Variants in LINGO2 observed in about 807,000 individuals in gnomAD.
LINGO2 encodes leucine-rich repeat and immunoglobulin-like domain-containing nogo receptor-interacting protein 2.
Under a neutral mutation model 30.6 loss-of-function variants are expected in LINGO2, and 14 were observed. The ratio of observed to expected loss-of-function variants is 0.46; its 90% CI spans 0.30 to 0.72. The LOEUF is 0.72. Among genes scored for constraint, LINGO2 ranks in the 30% least tolerant of loss-of-function variants. The probability of loss-of-function intolerance (pLI) is 0.07; values close to 1 mark genes in which losing one functional copy is unlikely to be tolerated. For missense variants in LINGO2, 729 were observed against 751.7 expected, an observed-to-expected ratio of 0.97 and a Z score of 0.35; for synonymous variants, 317 against 288.5, an observed-to-expected ratio of 1.10 and a Z score of -1.00.
chr9:27,942,642 A>C, the LINGO2 span: 2 of 152,142 alleles, frequency 1.3e-5, no homozygotes, highest in Non-Finnish European at 2.9e-5. Flanking sequence ...GTTCTTGGTT[A>C]TTAACTTTCA....
intron 2 of LINGO2, among the ~76,000 whole-genome samples, chr9:28,402,841 G>C (rs1252668555): frequency 6.6e-6 from 1 of 152,030 alleles, no homozygotes; most frequent in Non-Finnish European, 1.5e-5. Context: ...CAACAGGATA[G>C]TTCCCAAACA....
At chr9:28,124,911 A>G (rs1827195987) in intron 4 of LINGO2, among the ~76,000 whole-genome samples, 1 of 152,244 alleles carries the variant, frequency 6.6e-6, no homozygotes. Context: ...AAGACTGTTT[A>G]GAAGATAATG....
chr9:27,997,189 G>A (rs1821708897), intron 5 of LINGO2, among the ~76,000 whole-genome samples: 1 of 152,030 alleles, frequency 6.6e-6, no homozygotes, highest in Non-Finnish European at 1.5e-5. Flanking sequence ...TTGGTAACTG[G>A]GTCAAATGCA....
the LINGO2 span, among the ~76,000 whole-genome samples, chr9:28,813,461 A>G: frequency 6.6e-6 from 1 of 152,160 alleles, no homozygotes; most frequent in Non-Finnish European, 1.5e-5. Flanking sequence ...ACTGCAGTTG[A>G]CCATGGGGAA....
chr9:28,686,557 T>C, the LINGO2 span, among the ~76,000 whole-genome samples: 1 of 152,052 alleles, frequency 6.6e-6, no homozygotes, highest in Non-Finnish European at 1.5e-5. Flanking sequence ...TTGGAACTGT[T>C]TTCAAACTAC....
the LINGO2 span, among the ~76,000 whole-genome samples, chr9:28,797,345 T>TAGAG: frequency 4.2e-5 from 3 of 70,874 alleles, no homozygotes; most frequent in African/African-American, 4.7e-5. Context: ...TATATATATA[T>TAGAG]ATATATATAT....
chr9:28,476,708 A>T (rs562167961), intron 1 of LINGO2, among the ~76,000 whole-genome samples: 44 of 152,236 alleles, frequency 2.9e-4, no homozygotes, highest in African/African-American at 9.9e-4. Flanking sequence ...GAGAAAACAG[A>T]CCGGAAGGAG....
the LINGO2 span, among the ~76,000 whole-genome samples, chr9:28,895,601 A>C: frequency 6.6e-6 from 1 of 152,136 alleles, no homozygotes; most frequent in Non-Finnish European, 1.5e-5. Context: ...CATAATTTAT[A>C]AGCGCATACA....
chr9:28,090,515 C>T (rs914010426), intron 4 of LINGO2, among the ~76,000 whole-genome samples: 1 of 152,204 alleles, frequency 6.6e-6, no homozygotes, highest in Non-Finnish European at 1.5e-5. Flanking sequence ...AATTCAACAG[C>T]CCTTCATGCT....
At chr9:28,015,690 A>T (rs1587693916) in intron 4 of LINGO2, among the ~76,000 whole-genome samples, 2 of 152,124 alleles carry the variant, frequency 1.3e-5, no homozygotes, top group African/African-American at 4.8e-5. Context: ...AAAAAGTTAG[A>T]ATGTACATCG....
chr9:28,788,100 A>C, the LINGO2 span, among the ~76,000 whole-genome samples: 1 of 152,236 alleles, frequency 6.6e-6, no homozygotes, highest in African/African-American at 2.4e-5. Flanking sequence ...AAATTAAGAT[A>C]AAGTGAAAAG....
chr9:28,628,959 G>A (rs573957581), intron 1 of LINGO2, among the ~76,000 whole-genome samples: 20 of 152,110 alleles, frequency 1.3e-4, no homozygotes, highest in African/African-American at 2.9e-4. Context: ...TTTACCATTC[G>A]TAAAAGCATA....
intron 1 of LINGO2, among the ~76,000 whole-genome samples, chr9:28,639,047 A>C (rs1423071451): frequency 1.3e-5 from 2 of 152,064 alleles, no homozygotes; most frequent in African/African-American, 4.8e-5. Context: ...TTCAAAGAAC[A>C]TCTTTATTTC....
chr9:29,107,696 C>A, the LINGO2 span, among the ~76,000 whole-genome samples: 4 of 152,014 alleles, frequency 2.6e-5, no homozygotes, highest in African/African-American at 9.7e-5. Flanking sequence ...AGGATGACTG[C>A]ATCTTTATTT....
chr9:28,783,758 T>C, the LINGO2 span, among the ~76,000 whole-genome samples: 2 of 152,202 alleles, frequency 1.3e-5, no homozygotes, highest in African/African-American at 4.8e-5. Context: ...CAATTCAGGC[T>C]GCTATAACAG....
chr9:28,234,177 A>G (rs945871206), intron 4 of LINGO2, among the ~76,000 whole-genome samples: 11 of 152,048 alleles, frequency 7.2e-5, no homozygotes, highest in Non-Finnish European at 1.2e-4. Context: ...GCATTTCTGG[A>G]CCTGCCCTGG....
At position 28,110,319 on chromosome 9, in the gene LINGO2, AG is replaced by A. The variant is rs1223496483; in HGVS notation, c.-86-97915del. 2.0e-5 allele frequency among the ~76,000 whole-genome samples: 3 copies of A among 152,248 alleles called. No individual in the cohort carries two copies. The East Asian group carries it at 5.8e-4, about 29-fold the overall frequency. Reference sequence around the variant, plus strand: ...AGAAGAAAACTTAGCAATACCATTCAGAACATAGGCATGGGCAAAGATTTCA... The same window carrying A: ...AGAAGAAAACTTAGCAATACCATTCAAACATAGGCATGGGCAAAGATTTCA... On this transcript the variant is annotated intron_variant, in intron 4 of 5. Coordinates refer to ENST00000379992, the Ensembl canonical transcript of LINGO2.
intron 5 of LINGO2, among the ~76,000 whole-genome samples, chr9:28,004,865 C>T (rs993840060): frequency 1.3e-5 from 2 of 152,074 alleles, no homozygotes; most frequent in African/African-American, 4.8e-5. Flanking sequence ...GTTTTGGTAG[C>T]AGGTATGTAT....
chr9:29,085,660 C>T, the LINGO2 span, among the ~76,000 whole-genome samples: 69 of 152,200 alleles, frequency 4.5e-4, no homozygotes, highest in African/African-American at 1.6e-3. Flanking sequence ...CCCTATCAAG[C>T]TAAATACTAC....
Sources: gnomAD v4.1 joint callset for allele counts (sites outside exome capture counted in the v4.1 genomes callset) on GRCh38, gnomAD v4.1.1 for gene constraint, MANE v1.5 for transcripts, NCBI Gene and HGNC (gene_info 2026-07-23, HGNC 2026-07-21) for gene names.